Variants in NPAS3 observed in about 807,000 individuals in gnomAD.
The protein encoded by NPAS3 is neuronal PAS domain protein 3.
Under a neutral mutation model 73.1 loss-of-function variants are expected in NPAS3, and 14 were observed. The ratio of observed to expected loss-of-function variants is 0.19; its 90% confidence interval spans 0.13 to 0.30. The LOEUF (loss-of-function observed/expected upper bound fraction) is 0.30, where lower values mean the gene tolerates loss of function less well. Ranked by LOEUF, NPAS3 falls within the 10% of genes least tolerant of loss-of-function variation. The pLI is 1.00. For synonymous variants in NPAS3, 620 were observed against 541.5 expected (o/e 1.14, Z -2.01); for missense variants, 1,096 against 1,250.0 (o/e 0.88, Z 1.86).
At chr14:33,580,644 C>T (rs10137285) in intron 5 of NPAS3, among the ~76,000 whole-genome samples, 58,481 of 151,882 alleles carry the variant, frequency 0.39, 11,434 homozygotes, top group African/African-American at 0.45. Context: ...AGGAAATAAT[C>T]TTTACGACTA....
At chr14:33,419,643 TAAG>T (rs1448276799) in intron 4 of NPAS3, among the ~76,000 whole-genome samples, 2 of 151,886 alleles carry the variant, frequency 1.3e-5, no homozygotes, top group South Asian at 2.1e-4. Flanking sequence ...GATAGGAAAA[TAAG>T]AAGATAAAGA....
intron 5 of NPAS3, among the ~76,000 whole-genome samples, chr14:33,629,722 G>A (rs961804471): frequency 1.3e-4 from 19 of 151,566 alleles, no homozygotes; most frequent in African/African-American, 3.9e-4. Flanking sequence ...GTCTTCTGTC[G>A]AGTCCACAGC....
chr14:33,045,501 A>G (rs2040478893), intron 1 of NPAS3, among the ~76,000 whole-genome samples: 1 of 152,218 alleles, frequency 6.6e-6, no homozygotes, highest in Admixed American at 6.5e-5. Flanking sequence ...AAGCCTCTTA[A>G]TCAAGTCAGA....
chr14:33,270,555 T>C (rs949952553), intron 3 of NPAS3, among the ~76,000 whole-genome samples: 2 of 152,098 alleles, frequency 1.3e-5, no homozygotes, highest in Non-Finnish European at 2.9e-5. Context: ...GGAAGGGACT[T>C]CCTACTTCAA....
upstream of NPAS3, among the ~76,000 whole-genome samples, chr14:32,936,617 T>C (rs756432297): frequency 6.6e-6 from 1 of 152,124 alleles, no homozygotes; most frequent in African/African-American, 2.4e-5. Context: ...GAGTCAAGGG[T>C]CAGAAATGTC....
intron 2 of NPAS3, among the ~76,000 whole-genome samples, chr14:33,124,154 T>C (rs2043341392): frequency 6.6e-6 from 1 of 152,056 alleles, no homozygotes; most frequent in Non-Finnish European, 1.5e-5. Flanking sequence ...GTGCCCAGCC[T>C]CTATGAAGTT....
At chr14:33,588,709 G>C (rs1030632425) in intron 5 of NPAS3, among the ~76,000 whole-genome samples, 4 of 152,140 alleles carry the variant, frequency 2.6e-5, no homozygotes, top group African/African-American at 9.7e-5. Context: ...CGCCTCCCAG[G>C]TTCAAGTAAT....
At chr14:33,564,657 T>G (rs1160717019) in intron 5 of NPAS3, among the ~76,000 whole-genome samples, 1 of 152,334 alleles carries the variant, frequency 6.6e-6, no homozygotes, top group East Asian at 1.9e-4. Flanking sequence ...GAAATTCACA[T>G]TATCGTTGCC....
At chr14:33,277,421 G>A (rs1181898111) in intron 3 of NPAS3, among the ~76,000 whole-genome samples, 1 of 152,132 alleles carries the variant, frequency 6.6e-6, no homozygotes, top group Non-Finnish European at 1.5e-5. Context: ...CTTGGAACAG[G>A]CAAATGAACC....
intron 1 of NPAS3, among the ~76,000 whole-genome samples, chr14:32,948,677 A>G (rs556576945): frequency 3.3e-5 from 5 of 152,190 alleles, no homozygotes; most frequent in Admixed American, 3.3e-4. Context: ...CTGTTCTGTG[A>G]TTAGAGCCTC....
chr14:33,507,862 T>A (rs902414190), intron 4 of NPAS3, among the ~76,000 whole-genome samples: 6 of 152,026 alleles, frequency 3.9e-5, no homozygotes, highest in Non-Finnish European at 7.4e-5. Context: ...ACATAAGCAC[T>A]TTCTGGTTTT....
rs1555333251 is a variant in NPAS3, at chr14:33,077,774, G to GTTTTTTGTTTTT, written c.140+21786_140+21787insGTTTTTTTTTTT. On this transcript the variant is annotated intron_variant, in intron 2 of 11. Coordinates refer to ENST00000356141, the Ensembl canonical transcript of NPAS3. ...CTTTGCTCAAAACATTGCAGTAAGG[G>GTTTTTTGTTTTT]TTTTTTTTTTTTTTTGCCCCTTTTG... 2.3e-5 allele frequency among the ~76,000 whole-genome samples: 2 copies of GTTTTTTGTTTTT among 87,470 alleles called. 1 individual carries two copies. Among genetic ancestry groups the GTTTTTTGTTTTT allele is most frequent in the Non-Finnish European group, 4.6e-5 (2 of 43,802 alleles). 57.4% of individuals were successfully genotyped at this position (87,470 alleles called of 152,430 possible).
intron 2 of NPAS3, among the ~76,000 whole-genome samples, chr14:33,161,537 A>G (rs940711208): frequency 2.0e-5 from 3 of 152,220 alleles, no homozygotes; most frequent in Admixed American, 6.5e-5. Flanking sequence ...ATACTAATAC[A>G]TTGGTATCAC....
At chr14:33,233,035 A>T (rs1191201524) in intron 3 of NPAS3, among the ~76,000 whole-genome samples, 1 of 152,196 alleles carries the variant, frequency 6.6e-6, no homozygotes, top group African/African-American at 2.4e-5. Flanking sequence ...TGCTGATGTT[A>T]GTCATCTGAT....
intron 3 of NPAS3, among the ~76,000 whole-genome samples, chr14:33,269,677 G>C (rs1023187116): frequency 2.6e-5 from 4 of 152,118 alleles, no homozygotes; most frequent in Admixed American, 2.0e-4. Flanking sequence ...TCCAGCTCAC[G>C]AGCATGACTT....
chr14:33,456,372 T>C (rs1468938129), intron 4 of NPAS3, among the ~76,000 whole-genome samples: 1 of 152,174 alleles, frequency 6.6e-6, no homozygotes, highest in Non-Finnish European at 1.5e-5. Flanking sequence ...AAGCAGGTAG[T>C]TGATTTGTTG....
At chr14:33,521,823 A>C (rs1299346586) in intron 4 of NPAS3, among the ~76,000 whole-genome samples, 1 of 152,174 alleles carries the variant, frequency 6.6e-6, no homozygotes, top group African/African-American at 2.4e-5. Flanking sequence ...TGTTCCCCAC[A>C]GAAGAAACAT....
At chr14:33,580,655 T>C (rs2056628657) in intron 5 of NPAS3, among the ~76,000 whole-genome samples, 1 of 152,172 alleles carries the variant, frequency 6.6e-6, no homozygotes, top group African/African-American at 2.4e-5. Flanking sequence ...TTTACGACTA[T>C]AAAACAAAAT....
At chr14:33,319,856 T>A (rs1167538614) in intron 3 of NPAS3, among the ~76,000 whole-genome samples, 1 of 152,200 alleles carries the variant, frequency 6.6e-6, no homozygotes, top group East Asian at 1.9e-4. Context: ...AGATACATTA[T>A]GAACTTTTTG....
Sources: gnomAD v4.1 joint callset for allele counts (sites outside exome capture counted in the v4.1 genomes callset) on GRCh38, gnomAD v4.1.1 for gene constraint, MANE v1.5 for transcripts, NCBI Gene and HGNC (gene_info 2026-07-23, HGNC 2026-07-21) for gene names.